Variants in SEMA3F observed in about 807,000 individuals in gnomAD.
The protein encoded by SEMA3F is semaphorin-3F.
SEMA3F carries 30 observed loss-of-function variants against 98.5 expected under a neutral mutation model. That is an observed-to-expected ratio of 0.30 (90% CI 0.23 to 0.41). The LOEUF (loss-of-function observed/expected upper bound fraction) is 0.41, where lower values mean the gene tolerates loss of function less well. Ranked by LOEUF, SEMA3F falls within the 10% of genes least tolerant of loss-of-function variation. SEMA3F has a pLI of 1.00. For missense variants in SEMA3F, 866 were observed against 1,119.3 expected (o/e 0.77, Z 3.23); for synonymous variants, 380 against 444.8 (o/e 0.85, Z 1.83).
intron 7 of SEMA3F, among the ~76,000 whole-genome samples, chr3:50,177,399 G>T (rs1270706386): frequency 6.6e-6 from 1 of 152,208 alleles, no homozygotes; most frequent in Non-Finnish European, 1.5e-5. Flanking sequence ...AGCAGCTGCT[G>T]CCCCTAACTG....
At position 50,158,401 on chromosome 3, in the gene SEMA3F, G is replaced by GC. The variant is rs943962851; in HGVS notation, c.-48-1172dup. 5.3e-5 allele frequency among the ~76,000 whole-genome samples: 8 copies of GC among 152,234 alleles called. No individual in the cohort carries two copies. The highest frequency in any genetic ancestry group is 5.2e-4 in the Admixed American group (8 of 15,292). ...TGAGTGGTTTGCCTTGGCAGGAGAGGCCAGGGCTGGGGGAGGTGGGTCTAG... is the reference window on the plus strand; with the variant it reads ...TGAGTGGTTTGCCTTGGCAGGAGAGGCCCAGGGCTGGGGGAGGTGGGTCTAG... On this transcript the variant is annotated intron_variant, in intron 1 of 18. Coordinates refer to ENST00000002829, the MANE Select transcript of SEMA3F (RefSeq NM_004186.5). The surrounding 1 kb of genome is among the most constrained non-coding windows in gnomAD (Gnocchi z 4.8).
chr3:50,178,850 G>A (rs1359903935), intron 7 of SEMA3F, among the ~76,000 whole-genome samples: 1 of 38,732 alleles, frequency 2.6e-5, no homozygotes, highest in African/African-American at 1.0e-4. Flanking sequence ...TTTTTTTTTT[G>A]AGATGGAGTC....
intron 2 of SEMA3F, among the ~76,000 whole-genome samples, chr3:50,167,896 T>A (rs902082177): frequency 7.2e-5 from 11 of 152,182 alleles, no homozygotes; most frequent in Non-Finnish European, 8.8e-5. Flanking sequence ...CCCACCACAT[T>A]TCCTAGAGTG....
At chr3:50,180,815 C>T (rs1698986978) in intron 7 of SEMA3F, among the ~76,000 whole-genome samples, 1 of 152,066 alleles carries the variant, frequency 6.6e-6, no homozygotes, top group Non-Finnish European at 1.5e-5. Context: ...GCCTGTAATC[C>T]CAGCCCTTTG....
intron 1 of SEMA3F, chr3:50,159,348 C>A: frequency 2.4e-6 from 1 of 413,678 alleles, no homozygotes; most frequent in Non-Finnish European, 4.2e-6. Context: ...TTTGAGTCTC[C>A]AGCAGCCCCC....
intron 13 of SEMA3F, 37 bp from the exon 14 acceptor site, chr3:50,185,405 TC>T (rs763356142): frequency 2.3e-5 from 23 of 991,814 alleles, no homozygotes; most frequent in East Asian, 2.3e-4. Flanking sequence ...TTCCCCAGCA[TC>T]CCCAGCCCCA....
At position 50,184,758 on chromosome 3, in the gene SEMA3F, C is replaced by A. The variant is rs1273793158; in HGVS notation, c.1400C>A (p.Ala467Asp). The A allele has an allele frequency of 6.2e-7, 1 of 1,614,106 alleles. No individual in the cohort carries two copies. The highest frequency in any genetic ancestry group is 8.5e-7 in the Non-Finnish European group (1 of 1,179,980). Reference sequence around the variant, plus strand: ...GCTCCCTACCGCCTTACCACTATTGCCGTGGACCAGGTGGATGCAGCCGAC... The same window carrying A: ...GCTCCCTACCGCCTTACCACTATTGACGTGGACCAGGTGGATGCAGCCGAC... ...TGAPYRLTTI[A>D]VDQVDAADGR... Residue 467 changes from alanine (A) to aspartate (D), a missense_variant, in exon 13 of 19, where the codon GCC (alanine) becomes GAC (aspartate). Ala to Asp is a moderately radical substitution (Grantham distance 126). Transcript: ENST00000002829.
In SEMA3F at chr3:50,187,422, CAAAAAAAAAAA is replaced by C. The variant is rs901489365; in HGVS notation, c.1948-269_1948-259del. Among the ~76,000 whole-genome samples, 9 of 58,924 alleles carry C rather than the reference CAAAAAAAAAAA, an allele frequency of 1.5e-4. No homozygotes were observed. In the South Asian group the frequency reaches 2.6e-3, roughly 17 times the overall value. 38.7% of individuals were successfully genotyped at this position (58,924 alleles called of 152,430 possible). Reference sequence around the variant, plus strand: ...TAGGCGACAGAGCCAGACCTTGTCTCAAAAAAAAAAAAAAAAAAAAAAAAGGAATTCTGTGT... The same window carrying C: ...TAGGCGACAGAGCCAGACCTTGTCTCAAAAAAAAAAAAAGGAATTCTGTGT... On this transcript the variant is annotated intron_variant, in intron 18 of 18. Transcript: ENST00000002829.
At chr3:50,178,687 A>C (rs1237806575) in intron 7 of SEMA3F, among the ~76,000 whole-genome samples, 1 of 149,396 alleles carries the variant, frequency 6.7e-6, no homozygotes, top group Non-Finnish European at 1.5e-5. Context: ...GCACCACTGC[A>C]CTCCAGCCTG....
Position 50,182,590 on chromosome 3 carries a change from A to G in SEMA3F, c.764-54A>G. ...CTGGCTGGGGATTCTGTTGGAGAAC[A>G]TCAGGGGCACCATCAGAGTAGGGGC... is the stretch of plus-strand genomic sequence containing the variant. On this transcript the variant is annotated intron_variant, in intron 8 of 18. Coordinates refer to ENST00000002829, the MANE Select transcript of SEMA3F (RefSeq NM_004186.5). The surrounding 1 kb of genome is among the most constrained non-coding windows in gnomAD (Gnocchi z 4.5). The G allele has an allele frequency of 6.3e-7, 1 of 1,598,128 alleles. No individual in the cohort carries two copies. Among genetic ancestry groups the G allele is most frequent in the Non-Finnish European group, 8.6e-7 (1 of 1,169,222 alleles).
In SEMA3F at chr3:50,173,878, C is replaced by G. The variant is rs569980926; in HGVS notation, c.198C>G (p.His66Gln). The G allele has an allele frequency of 6.2e-7, 1 of 1,614,192 alleles. No individual in the cohort carries two copies. The highest frequency in any genetic ancestry group is 8.5e-7 in the Non-Finnish European group (1 of 1,180,040). Residue 66 changes from histidine to glutamine, a missense_variant, in exon 3 of 19, where the codon CAC becomes CAG. Physicochemically the swap from His to Gln is conservative, Grantham distance 24. Transcript: ENST00000002829. ...DYRILLKDED[H>Q]DRMYVGSKDY... ...GAATCTTGCTCAAGGACGAGGACCA[C>G]GACCGCATGTACGTGGGCAGCAAGG...
chr3:50,176,706 C>A, intron 6 of SEMA3F, 62 bp from the exon 7 acceptor site: 2 of 1,220,284 alleles, frequency 1.6e-6, no homozygotes, highest in Non-Finnish European at 1.2e-6. Context: ...AGCCTGGTGA[C>A]CCTTACACTT....
chr3:50,171,917 C>T (rs950349205), intron 2 of SEMA3F, among the ~76,000 whole-genome samples: 3 of 152,202 alleles, frequency 2.0e-5, no homozygotes, highest in Non-Finnish European at 4.4e-5. Flanking sequence ...CCCTTGTCAC[C>T]GCATAGTCAG....
rs750832268 is a variant in SEMA3F, at chr3:50,182,725, G to A, written c.845G>A (p.Arg282Gln). The change falls in exon 9 of 19, where the codon CGG becomes CAG. Residue 282 changes from arginine to glutamine, a missense_variant. Physicochemically the swap from Arg to Gln is conservative, Grantham distance 43 (BLOSUM62 1). Around this residue, in one of 3 missense-constraint regions of SEMA3F, gnomAD observed 374 missense variants for 582.8 expected, o/e 0.64. Coordinates refer to ENST00000002829, the MANE Select transcript of SEMA3F (RefSeq NM_004186.5). The surrounding 1 kb of genome is among the most constrained non-coding windows in gnomAD (Gnocchi z 4.5). ...AAGCTTTACTTCTTCTTCCGTGAGC[G>A]GTCGGCAGAGGCGCCGCAGAGCCCC... Reference protein sequence around the residue: ...DDKLYFFFRERSAEAPQSPAV... With the variant: ...DDKLYFFFREQSAEAPQSPAV... 30 of 1,613,302 alleles carry A rather than the reference G, an allele frequency of 1.9e-5. No individual in the cohort carries two copies. Among genetic ancestry groups the A allele is most frequent in the Middle Eastern group, 1.6e-4 (1 of 6,084 alleles).
chr3:50,186,599 C>T lies in SEMA3F; in HGVS notation c.1814-14C>T. 1 of 1,583,622 alleles carries T rather than the reference C, an allele frequency of 6.3e-7. No homozygotes were observed. Among genetic ancestry groups the T allele is most frequent in the Non-Finnish European group, 8.6e-7 (1 of 1,157,956 alleles). The stretch of plus-strand genomic sequence containing the variant: ...AGGTGATGCTGCTTTTGCTCAACCC[C>T]TCTCACTCTAAAGCCAACAAGAATG... On this transcript the variant is annotated splice_polypyrimidine_tract_variant and intron_variant, in intron 17 of 18. Coordinates refer to ENST00000002829, the MANE Select transcript of SEMA3F (RefSeq NM_004186.5).
intron 16 of SEMA3F, 106 bp downstream of exon 16, chr3:50,186,152 T>C: frequency 6.9e-7 from 1 of 1,450,252 alleles, no homozygotes; most frequent in South Asian, 1.2e-5. Flanking sequence ...GATATTACCC[T>C]AGGGGAGTCT....
chr3:50,175,305 C>T (rs1698769414), intron 6 of SEMA3F, 117 bp downstream of exon 6: 2 of 714,204 alleles, frequency 2.8e-6, no homozygotes, highest in Admixed American at 2.1e-5. Flanking sequence ...TGTGCCCACA[C>T]CCTGTCCCCA....
intron 1 of SEMA3F, among the ~76,000 whole-genome samples, chr3:50,157,727 A>T (rs1698043791): frequency 6.6e-6 from 1 of 152,112 alleles, no homozygotes; most frequent in South Asian, 2.1e-4. Flanking sequence ...AAGCATTTGG[A>T]TGGGAAGTCC....
intron 4 of SEMA3F, 45 bp from the exon 5 acceptor site, chr3:50,174,186 G>A (rs1309784348): frequency 1.9e-6 from 3 of 1,613,790 alleles, no homozygotes; most frequent in Admixed American, 1.7e-5. Context: ...CAGTGAGGGG[G>A]CAGGCCTGGC....
Sources: allele counts gnomAD v4.1 joint callset (sites outside exome capture counted in the v4.1 genomes callset), GRCh38; gene constraint gnomAD v4.1.1; regional missense constraint gnomAD v4.1.1; non-coding constraint Gnocchi (gnomAD v3.1); transcripts MANE v1.5; gene names NCBI Gene and HGNC (gene_info 2026-07-23, HGNC 2026-07-21).